The following DYNC2LI1 variants were observed in gnomAD, a reference collection of about 807,000 sequenced individuals.
DYNC2LI1 encodes cytoplasmic dynein 2 light intermediate chain 1.
A neutral mutation model predicts 51.9 loss-of-function variants in DYNC2LI1; 45 were observed. That is an observed-to-expected ratio of 0.87 (90% CI 0.68 to 1.11). DYNC2LI1 has a LOEUF of 1.11. DYNC2LI1 is among the 50% of genes most tolerant of loss of function. The pLI is 0.00. For missense variants in DYNC2LI1, 490 were observed against 417.4 expected (o/e 1.17, Z -1.51); for synonymous variants, 130 against 137.8 (o/e 0.94, Z 0.40).
At chr2:43,822,510 T>C in the DYNC2LI1 span, 2 of 961,256 alleles carry the variant, frequency 2.1e-6, no homozygotes, top group Non-Finnish European at 2.5e-6. Context: ...CCTAGCTACT[T>C]CAGAGTCCTC....
chr2:43,813,326 T>A (rs1019086099), downstream of DYNC2LI1: 2 of 1,570,810 alleles, frequency 1.3e-6, no homozygotes, highest in Non-Finnish European at 1.8e-6. Context: ...AGGAAAAGAT[T>A]GACAGTGTCA....
At chr2:43,814,895 T>A (rs1201199853), downstream of DYNC2LI1, among the ~76,000 whole-genome samples, 1 of 152,248 alleles carries the variant, frequency 6.6e-6, no homozygotes, top group Non-Finnish European at 1.5e-5. Context: ...GCCAAACATA[T>A]GTCTCAGACA....
the DYNC2LI1 span, among the ~76,000 whole-genome samples, chr2:43,827,479 G>A: frequency 6.6e-6 from 1 of 152,186 alleles, no homozygotes; most frequent in African/African-American, 2.4e-5. Flanking sequence ...CTGCATGAGT[G>A]GCGAGGTTTC....
chr2:43,811,559 A>C (rs1487158671), downstream of DYNC2LI1, among the ~76,000 whole-genome samples: 1 of 152,194 alleles, frequency 6.6e-6, no homozygotes, highest in Non-Finnish European at 1.5e-5. Context: ...GAATTACTTG[A>C]AGATCAATCA....
At chr2:43,804,122 A>T (rs1266012838) in intron 10 of DYNC2LI1, among the ~76,000 whole-genome samples, 1 of 152,172 alleles carries the variant, frequency 6.6e-6, no homozygotes, top group Non-Finnish European at 1.5e-5. Context: ...AATTCAATAT[A>T]CCAATATACC....
chr2:43,822,478 GC>G, the DYNC2LI1 span: 81,597 of 464,574 alleles, frequency 0.18, 10,601 homozygotes, highest in Non-Finnish European at 0.19. Flanking sequence ...CCTCCCCCAG[GC>G]CCCCCCCCAT....
downstream of DYNC2LI1, among the ~76,000 whole-genome samples, chr2:43,814,062 TC>T (rs547329559): frequency 2.6e-5 from 4 of 152,274 alleles, no homozygotes; most frequent in South Asian, 8.3e-4. Flanking sequence ...TGGTTCTACT[TC>T]CATCTGGTGG....
chr2:43,807,325 A>T (rs538733962), intron 12 of DYNC2LI1, among the ~76,000 whole-genome samples: 3 of 152,304 alleles, frequency 2.0e-5, no homozygotes, highest in African/African-American at 7.2e-5. Context: ...TGGGCACCAG[A>T]AAATACTTAA....
chr2:43,826,319 C>G, the DYNC2LI1 span: 1 of 1,610,820 alleles, frequency 6.2e-7, no homozygotes, highest in Non-Finnish European at 8.5e-7. Context: ...AATCTTGCCC[C>G]TGCCCCTGTG....
At chr2:43,821,612 A>C in the DYNC2LI1 span, among the ~76,000 whole-genome samples, 1 of 152,080 alleles carries the variant, frequency 6.6e-6, no homozygotes, top group African/African-American at 2.4e-5. Flanking sequence ...TAAGCAATGG[A>C]AGGTGTGCTG....
At chr2:43,827,970 G>C in the DYNC2LI1 span, 2 of 1,613,754 alleles carry the variant, frequency 1.2e-6, no homozygotes, top group Non-Finnish European at 1.7e-6. Context: ...TAACAGTTCT[G>C]GGTGCCACTT....
chr2:43,787,767 G>C (rs911637103), intron 4 of DYNC2LI1, among the ~76,000 whole-genome samples: 1 of 152,114 alleles, frequency 6.6e-6, no homozygotes. Context: ...ATGCTGGCAG[G>C]GGGTGGGGTG....
At chr2:43,776,936 A>T (rs760557902) in intron 2 of DYNC2LI1, 37 bp downstream of exon 2, 2 of 1,070,916 alleles carry the variant, frequency 1.9e-6, no homozygotes, top group South Asian at 2.7e-5. Context: ...GTGATGATTT[A>T]ACAACCATTG....
chr2:43,777,937 A>G (rs1011943800), intron 2 of DYNC2LI1, among the ~76,000 whole-genome samples: 1 of 152,246 alleles, frequency 6.6e-6, no homozygotes, highest in Admixed American at 6.5e-5. Flanking sequence ...CATGATCCCA[A>G]TTATACAAAT....
chr2:43,790,188 A>G (rs1673709867), intron 5 of DYNC2LI1, among the ~76,000 whole-genome samples: 1 of 152,206 alleles, frequency 6.6e-6, no homozygotes, highest in South Asian at 2.1e-4. Context: ...GAAGAGAGAA[A>G]GTCTCTCCGT....
At chr2:43,821,412 C>T in the DYNC2LI1 span, among the ~76,000 whole-genome samples, 3 of 152,210 alleles carry the variant, frequency 2.0e-5, no homozygotes, top group Non-Finnish European at 4.4e-5. Context: ...ATCTGCATCA[C>T]TCACCATGTC....
intron 2 of DYNC2LI1, chr2:43,781,489 C>T (rs1384348576): frequency 2.0e-5 from 3 of 151,968 alleles, no homozygotes; most frequent in Non-Finnish European, 2.9e-5. Context: ...ATTCTACTTT[C>T]TTGCAGAGTA....
the DYNC2LI1 span, among the ~76,000 whole-genome samples, chr2:43,817,510 A>G: frequency 6.6e-6 from 1 of 151,812 alleles, no homozygotes; most frequent in Non-Finnish European, 1.5e-5. Flanking sequence ...AAAAATAAAA[A>G]TAAAGAGCAA....
chr2:43,775,053 A>G (rs1672948736), intron 1 of DYNC2LI1, among the ~76,000 whole-genome samples: 1 of 152,224 alleles, frequency 6.6e-6, no homozygotes, highest in Admixed American at 6.5e-5. Flanking sequence ...TATAATTACA[A>G]GCCCTCAATA....
Sources: allele counts gnomAD v4.1 joint callset (sites outside exome capture counted in the v4.1 genomes callset), GRCh38; gene constraint gnomAD v4.1.1; transcripts MANE v1.5; gene names NCBI Gene and HGNC (gene_info 2026-07-23, HGNC 2026-07-21).